Variants in CALN1 observed in about 807,000 individuals in gnomAD.
CALN1 encodes the protein calneuron 1, also known as calcium-binding protein 8.
CALN1 carries 17 observed loss-of-function variants against 30.6 expected under a neutral mutation model. That is an observed-to-expected ratio of 0.56 (90% CI 0.38 to 0.83). CALN1 has a LOEUF of 0.83. Among genes scored for constraint, CALN1 ranks in the 40% least tolerant of loss-of-function variants. CALN1 has a pLI of 0.00. For synonymous variants in CALN1, 156 were observed against 131.4 expected, an observed-to-expected ratio of 1.19 and a Z score of -1.28; for missense variants, 291 against 354.9, an observed-to-expected ratio of 0.82 and a Z score of 1.45.
intron 4 of CALN1, among the ~76,000 whole-genome samples, chr7:72,090,127 A>C (rs542225320): frequency 6.7e-4 from 102 of 152,218 alleles, no homozygotes; most frequent in Non-Finnish European, 8.5e-4. Context: ...GTGAAACCCC[A>C]TGTCTACTAA....
chr7:72,391,363 G>A (rs940262514), intron 2 of CALN1, among the ~76,000 whole-genome samples: 1 of 152,154 alleles, frequency 6.6e-6, no homozygotes, highest in African/African-American at 2.4e-5. Flanking sequence ...TTGCTGGAAG[G>A]CATCTTATCT....
In CALN1 at chr7:72,054,433, GTATATA is replaced by G. The variant is rs60932081; in HGVS notation, c.389-30670_389-30665del. 2.2e-3 allele frequency among the ~76,000 whole-genome samples: 220 copies of G among 99,582 alleles called. 9 individuals carry two copies. The highest frequency in any genetic ancestry group is 6.6e-3 in the African/African-American group (204 of 31,026). 65.3% of individuals were successfully genotyped at this position (99,582 alleles called of 152,430 possible). On this transcript the variant is annotated intron_variant, in intron 4 of 6. Coordinates refer to ENST00000395275, the MANE Select transcript of CALN1 (RefSeq NM_031468.4). ...TATATATATACGTGTATATATACAC[GTATATA>G]TATATATACATATATATACATATAT...
At chr7:71,927,732 G>A (rs1210613983) in intron 5 of CALN1, among the ~76,000 whole-genome samples, 1 of 152,096 alleles carries the variant, frequency 6.6e-6, no homozygotes. Flanking sequence ...ACAGGTCTCT[G>A]TTTTCCTAGT....
chr7:72,315,193 T>C (rs1800354530), intron 2 of CALN1, among the ~76,000 whole-genome samples: 1 of 151,820 alleles, frequency 6.6e-6, no homozygotes, highest in South Asian at 2.1e-4. Flanking sequence ...TAAAAAGTAA[T>C]ACTAAAGAAA....
intron 5 of CALN1, among the ~76,000 whole-genome samples, chr7:71,837,256 A>AAAAAAAAAAAAAAAAAAAAAAAC (rs1789675372): frequency 6.7e-6 from 1 of 150,100 alleles, no homozygotes; most frequent in Admixed American, 6.6e-5. Context: ...AAAAAAAAAA[A>AAAAAAAAAAAAAAAAAAAAAAAC]AAAAAAAAAG....
intron 3 of CALN1, among the ~76,000 whole-genome samples, chr7:72,265,870 A>T (rs12671472): frequency 0.11 from 17,463 of 152,074 alleles, 1,483 homozygotes; most frequent in East Asian, 0.43. Flanking sequence ...GCAGTGGCTC[A>T]TACCTGTAAT....
At chr7:71,824,366 G>C (rs1439974501) in intron 5 of CALN1, among the ~76,000 whole-genome samples, 1 of 152,098 alleles carries the variant, frequency 6.6e-6, no homozygotes, top group Admixed American at 6.6e-5. Context: ...CCCATGTTCA[G>C]CTTCTCTACC....
At chr7:72,067,508 CG>C (rs769990647) in intron 4 of CALN1, among the ~76,000 whole-genome samples, 68 of 152,226 alleles carry the variant, frequency 4.5e-4, no homozygotes, top group Admixed American at 9.2e-4. Flanking sequence ...CCTCAGCCTC[CG>C]GAAGTGTTGG....
At chr7:72,053,302 T>G (rs1266673998) in intron 4 of CALN1, among the ~76,000 whole-genome samples, 4 of 152,086 alleles carry the variant, frequency 2.6e-5, no homozygotes, top group Non-Finnish European at 4.4e-5. Context: ...TCCCAGAAAG[T>G]AAAAAGCATG....
rs952813392 is a variant in CALN1, at chr7:72,356,815, T to C, written c.119+46436A>G. On this transcript the variant is annotated intron_variant, in intron 2 of 6. Coordinates refer to ENST00000395275, the MANE Select transcript of CALN1 (RefSeq NM_031468.4). Reference sequence around the variant, plus strand: ...AAAAACTGTAAATTAGGAAAATGAGTATATTATTTAGTCTGGGCATGTTGA... The same window carrying C: ...AAAAACTGTAAATTAGGAAAATGAGCATATTATTTAGTCTGGGCATGTTGA... Among the ~76,000 whole-genome samples, 76 of 151,528 alleles carry C rather than the reference T, an allele frequency of 5.0e-4. 1 individual carries two copies. Among genetic ancestry groups the C allele is most frequent in the African/African-American group, 1.8e-3 (73 of 41,048 alleles).
intron 6 of CALN1, among the ~76,000 whole-genome samples, chr7:71,795,674 G>T (rs1379736577): frequency 6.6e-6 from 1 of 152,048 alleles, no homozygotes; most frequent in Non-Finnish European, 1.5e-5. Flanking sequence ...CTAATCTACC[G>T]TCTGTCTCTA....
chr7:72,298,374 T>G (rs570676240), intron 2 of CALN1, among the ~76,000 whole-genome samples: 57 of 152,194 alleles, frequency 3.7e-4, no homozygotes, highest in Non-Finnish European at 7.6e-4. Flanking sequence ...TCAATAGAGA[T>G]CTACATTTTA....
At chr7:71,794,544 TTC>T (rs1786778787) in intron 6 of CALN1, among the ~76,000 whole-genome samples, 1 of 152,220 alleles carries the variant, frequency 6.6e-6, no homozygotes, top group African/African-American at 2.4e-5. Flanking sequence ...GAGCGTCAGT[TTC>T]TCTCTCTGTA....
intron 2 of CALN1, among the ~76,000 whole-genome samples, chr7:72,396,519 G>A (rs1040060656): frequency 4.6e-5 from 7 of 152,128 alleles, no homozygotes; most frequent in Non-Finnish European, 8.8e-5. Flanking sequence ...TAGGACGGAG[G>A]AGGTATAATT....
At chr7:72,075,606 C>T (rs1477286951) in intron 4 of CALN1, among the ~76,000 whole-genome samples, 1 of 152,192 alleles carries the variant, frequency 6.6e-6, no homozygotes, top group Non-Finnish European at 1.5e-5. Context: ...CCTCTTCCAG[C>T]CTGTGTTGAC....
At chr7:72,264,237 C>T (rs755711120) in intron 3 of CALN1, among the ~76,000 whole-genome samples, 8 of 152,274 alleles carry the variant, frequency 5.3e-5, no homozygotes, top group African/African-American at 1.9e-4. Context: ...AACAATCAAT[C>T]TGCTTTTTTT....
At chr7:72,092,741 C>T (rs1805958686) in intron 4 of CALN1, among the ~76,000 whole-genome samples, 1 of 151,808 alleles carries the variant, frequency 6.6e-6, no homozygotes, top group South Asian at 2.1e-4. Flanking sequence ...GGGTTGTACT[C>T]CTCAACACCC....
Position 71,972,015 on chromosome 7 carries a change from G to GAAAGAAA in CALN1, c.501+51641_501+51642insTTTCTTT, listed in dbSNP as rs1562946912. 1.0e-3 allele frequency among the ~76,000 whole-genome samples: 137 copies of GAAAGAAA among 136,492 alleles called. 1 individual carries two copies. Among genetic ancestry groups the GAAAGAAA allele is most frequent in the Admixed American group, 3.0e-3 (37 of 12,382 alleles). 89.5% of individuals were successfully genotyped at this position (136,492 alleles called of 152,430 possible). On this transcript the variant is annotated intron_variant, in intron 5 of 6. Transcript: ENST00000395275. ...AAAGAGAAAGAAAGAAAAAAAGAAA[G>GAAAGAAA]AAAAGAAAGAAAGAAAGAAAGACAC...
the CALN1 span, among the ~76,000 whole-genome samples, chr7:72,477,050 A>C: frequency 6.6e-6 from 1 of 152,198 alleles, no homozygotes; most frequent in Non-Finnish European, 1.5e-5. Flanking sequence ...GTCTCTACTA[A>C]AAATACAAAA....
Sources: gnomAD v4.1 joint callset for allele counts (sites outside exome capture counted in the v4.1 genomes callset) on GRCh38, gnomAD v4.1.1 for gene constraint, MANE v1.5 for transcripts, NCBI Gene and HGNC (gene_info 2026-07-23, HGNC 2026-07-21) for gene names.